Variants in B3GALT1 observed in about 807,000 individuals in gnomAD.
The protein encoded by B3GALT1 is UDP-Gal:betaGlcNAc beta 1,3-galactosyltransferase, polypeptide 1.
A neutral mutation model predicts 23.2 loss-of-function variants in B3GALT1; 10 were observed. That is an observed-to-expected ratio of 0.43 (90% CI 0.27 to 0.73). The LOEUF is 0.73. Ranked by LOEUF, B3GALT1 falls within the 30% of genes least tolerant of loss-of-function variation. The pLI is 0.21. For synonymous variants in B3GALT1, 156 were observed against 141.5 expected (o/e 1.10, Z -0.73); for missense variants, 299 against 405.4 (o/e 0.74, Z 2.25).
intron 2 of B3GALT1, among the ~76,000 whole-genome samples, chr2:167,638,674 T>C (rs1009496186): frequency 3.9e-5 from 6 of 152,046 alleles, no homozygotes; most frequent in Admixed American, 1.3e-4. Flanking sequence ...TAACACTGGA[T>C]CTATTAAGTT....
intron 3 of B3GALT1, among the ~76,000 whole-genome samples, chr2:167,670,985 G>A (rs1398205975): frequency 1.3e-5 from 2 of 152,118 alleles, no homozygotes; most frequent in Non-Finnish European, 2.9e-5. Flanking sequence ...AAAGTGAAGG[G>A]ATGGAAAAGA....
chr2:167,358,516 A>C (rs1475368028), intron 1 of B3GALT1, among the ~76,000 whole-genome samples: 1 of 152,138 alleles, frequency 6.6e-6, no homozygotes, highest in Non-Finnish European at 1.5e-5. Flanking sequence ...AATTTTGTTG[A>C]GCATGTTTGT....
At chr2:167,517,395 A>G (rs920871807) in intron 2 of B3GALT1, among the ~76,000 whole-genome samples, 12 of 152,058 alleles carry the variant, frequency 7.9e-5, no homozygotes, top group African/African-American at 2.9e-4. Flanking sequence ...TCAAAGCAAA[A>G]TAGTTTTTAG....
chr2:167,790,192 A>G (rs1328273726), intron 3 of B3GALT1, among the ~76,000 whole-genome samples: 1 of 152,062 alleles, frequency 6.6e-6, no homozygotes, highest in Non-Finnish European at 1.5e-5. Flanking sequence ...TTACATATCT[A>G]CTACCATGTC....
intron 3 of B3GALT1, among the ~76,000 whole-genome samples, chr2:167,738,833 A>G (rs1439922825): frequency 1.3e-5 from 2 of 152,210 alleles, no homozygotes; most frequent in South Asian, 2.1e-4. Context: ...ATTTGAAACC[A>G]AAAAATAGTT....
chr2:167,422,977 C>T (rs1698570258), intron 1 of B3GALT1, among the ~76,000 whole-genome samples: 1 of 152,100 alleles, frequency 6.6e-6, no homozygotes, highest in Admixed American at 6.6e-5. Context: ...AAGACATGAT[C>T]CATGCCATAG....
At chr2:167,294,473 A>G (rs1696316322) in intron 1 of B3GALT1, among the ~76,000 whole-genome samples, 1 of 152,220 alleles carries the variant, frequency 6.6e-6, no homozygotes, top group African/African-American at 2.4e-5. Flanking sequence ...CTGCAAATGG[A>G]TGGTGCTACT....
At chr2:167,523,749 T>A (rs1219055649) in intron 2 of B3GALT1, among the ~76,000 whole-genome samples, 1 of 152,092 alleles carries the variant, frequency 6.6e-6, no homozygotes, top group African/African-American at 2.4e-5. Context: ...TTCTGTCAGT[T>A]CCTTGTAAGT....
intron 3 of B3GALT1, among the ~76,000 whole-genome samples, chr2:167,745,748 G>A (rs1182743847): frequency 6.6e-6 from 1 of 151,950 alleles, no homozygotes; most frequent in East Asian, 1.9e-4. Context: ...GATATGTGTA[G>A]CTGTAGAATT....
At chr2:167,540,922 AC>A (rs1335343941) in intron 2 of B3GALT1, among the ~76,000 whole-genome samples, 3 of 152,218 alleles carry the variant, frequency 2.0e-5, no homozygotes, top group African/African-American at 7.2e-5. Flanking sequence ...TCACTTTCCA[AC>A]CTTGGCACAT....
rs1690390278 is a variant in B3GALT1, at chr2:167,873,564, A to C, written c.*3544A>C. 1 of 152,198 alleles carries C rather than the reference A, an allele frequency of 6.6e-6. No individual in the cohort carries two copies. Among genetic ancestry groups the C allele is most frequent in the Admixed American group, 6.5e-5 (1 of 15,278 alleles). 9.4% of individuals were successfully genotyped at this position (152,198 alleles called of 1,614,324 possible). On this transcript the variant is annotated 3_prime_UTR_variant, in exon 5 of 5. Transcript: ENST00000392690. ...TTTCCTAATATGTGGGTTTAGTGGGAGAATTGATTATGTCATTTCTTCTGT... is the reference window on the plus strand; with the variant it reads ...TTTCCTAATATGTGGGTTTAGTGGGCGAATTGATTATGTCATTTCTTCTGT...
intron 1 of B3GALT1, among the ~76,000 whole-genome samples, chr2:167,465,297 A>G (rs1699327666): frequency 3.3e-5 from 5 of 152,178 alleles, no homozygotes; most frequent in Admixed American, 1.3e-4. Flanking sequence ...CATTGCATAA[A>G]GTGTTCATAA....
At chr2:167,622,512 T>A (rs2105440460) in intron 2 of B3GALT1, among the ~76,000 whole-genome samples, 1 of 152,166 alleles carries the variant, frequency 6.6e-6, no homozygotes, top group East Asian at 1.9e-4. Context: ...ACAGAGGAAA[T>A]TGTATCTGCA....
chr2:167,405,266 A>G (rs1167653458), intron 1 of B3GALT1, among the ~76,000 whole-genome samples: 1 of 152,160 alleles, frequency 6.6e-6, no homozygotes, highest in African/African-American at 2.4e-5. Context: ...TTAATTCTAT[A>G]TCAGTAGTAG....
At chr2:167,374,693 G>C (rs930866939) in intron 1 of B3GALT1, among the ~76,000 whole-genome samples, 1 of 151,916 alleles carries the variant, frequency 6.6e-6, no homozygotes, top group African/African-American at 2.4e-5. Context: ...TTTTTAGTGG[G>C]GTTATTAGTT....
chr2:167,762,077 A>T (rs530127575), intron 3 of B3GALT1, among the ~76,000 whole-genome samples: 131 of 152,362 alleles, frequency 8.6e-4, no homozygotes, highest in African/African-American at 3.0e-3. Context: ...TAATTAAAAA[A>T]TATATGTAGA....
At chr2:167,784,390 G>C (rs952648262) in intron 3 of B3GALT1, among the ~76,000 whole-genome samples, 3 of 152,176 alleles carry the variant, frequency 2.0e-5, no homozygotes, top group Non-Finnish European at 4.4e-5. Flanking sequence ...GGTAGTAAAA[G>C]AATAGAGATC....
intron 2 of B3GALT1, among the ~76,000 whole-genome samples, chr2:167,565,689 C>G (rs1038835815): frequency 6.6e-6 from 1 of 152,088 alleles, no homozygotes; most frequent in African/African-American, 2.4e-5. Context: ...AAAAAGTGGG[C>G]AAGGATATGA....
At position 167,584,158 on chromosome 2, in the gene B3GALT1, G is replaced by T. The variant is rs114959685; in HGVS notation, c.-409-62751G>T. Among the ~76,000 whole-genome samples the T allele has an allele frequency of 7.7e-3, 1,165 of 152,244 alleles. 12 individuals carry two copies. Among genetic ancestry groups the T allele is most frequent in the African/African-American group, 0.026 (1,062 of 41,532 alleles). The stretch of plus-strand genomic sequence containing the variant: ...GATACTTGCTATTTCTTAAATGGCA[G>T]GGAGCTGAGAGGCTGAGTAGAATAT... On this transcript the variant is annotated intron_variant, in intron 2 of 4. Coordinates refer to ENST00000392690, the MANE Select transcript of B3GALT1 (RefSeq NM_020981.4).
Sources: gnomAD v4.1 joint callset for allele counts (sites outside exome capture counted in the v4.1 genomes callset) on GRCh38, gnomAD v4.1.1 for gene constraint, MANE v1.5 for transcripts, NCBI Gene and HGNC (gene_info 2026-07-23, HGNC 2026-07-21) for gene names.